ZMYND11: variants seen among roughly 807,000 people sequenced by gnomAD.
The protein encoded by ZMYND11 is zinc finger MYND-type containing 11, also known as zinc finger MYND domain-containing protein 11.
In ZMYND11, 9 loss-of-function variants were observed where a neutral mutation model predicts 84.9. The observed-to-expected ratio is 0.11, with a 90% CI of 0.06 to 0.18. The LOEUF (loss-of-function observed/expected upper bound fraction) is 0.18, where lower values mean the gene tolerates loss of function less well. Among genes scored for constraint, ZMYND11 ranks in the 10% least tolerant of loss-of-function variants. ZMYND11 has a pLI of 1.00. For synonymous variants in ZMYND11, 250 were observed against 244.1 expected (o/e 1.02, Z -0.23); for missense variants, 409 against 761.0 (o/e 0.54, Z 5.44).
chr10:204,829 A>G (rs1361722654), intron 2 of ZMYND11, among the ~76,000 whole-genome samples: 4 of 151,888 alleles, frequency 2.6e-5, no homozygotes, highest in East Asian at 3.8e-4. Flanking sequence ...TCTTCCTTCA[A>G]TTCCTAGAAT....
upstream of ZMYND11, among the ~76,000 whole-genome samples, chr10:133,249 G>A (rs1330525582): frequency 6.6e-6 from 1 of 152,192 alleles, no homozygotes; most frequent in African/African-American, 2.4e-5. Context: ...TTGTTTGAAT[G>A]TGTCATTACT....
At chr10:225,203 G>C (rs2131490442) in intron 4 of ZMYND11, among the ~76,000 whole-genome samples, 1 of 152,306 alleles carries the variant, frequency 6.6e-6, no homozygotes, top group South Asian at 2.1e-4. Flanking sequence ...AGGTTTAAAG[G>C]ATAGTGTACA....
Position 242,098 on chromosome 10 carries a change from C to G in ZMYND11, c.909C>G (p.Asp303Glu). ...FWPAKVMQKE[D>E]NQVDVRFFGH... Reference sequence around the variant, plus strand: ...CAGCCAAAGTCATGCAGAAAGAAGACAATCAAGTCGACGTTCGCTTCTTTG... The same window carrying G: ...CAGCCAAAGTCATGCAGAAAGAAGAGAATCAAGTCGACGTTCGCTTCTTTG... The change falls in exon 10 of 15, where the codon GAC (aspartate) becomes GAG (glutamate). Residue 303 changes from aspartate to glutamate, a missense_variant. Coordinates refer to ENST00000381604, the MANE Select transcript of ZMYND11 (RefSeq NM_001370100.5). 6.2e-7 allele frequency: 1 copy of G among 1,614,024 alleles called. No individual in the cohort carries two copies. Among genetic ancestry groups the G allele is most frequent in the Non-Finnish European group, 8.5e-7 (1 of 1,180,006 alleles).
At position 249,073 on chromosome 10, in the gene ZMYND11, C is replaced by T. The variant is rs1219176394; in HGVS notation, c.1671C>T (p.Thr557=). The T allele has an allele frequency of 6.2e-7, 1 of 1,614,008 alleles. No individual in the cohort carries two copies. Among genetic ancestry groups the T allele is most frequent in the African/African-American group, 1.3e-5 (1 of 74,906 alleles). The change falls in exon 14 of 15, where the codon ACC becomes ACT. Residue 557 remains threonine, a synonymous_variant. Coordinates refer to ENST00000381604, the MANE Select transcript of ZMYND11 (RefSeq NM_001370100.5). ...AGCACAAGCAACTGATTTCTCAGAC[C>T]AAGAAGAAGCAGTGGGTAAATACCA... ...ATQHKQLISQ[T]KKKQWCYNCE...
chr10:191,766 C>T (rs1218125421), intron 2 of ZMYND11, among the ~76,000 whole-genome samples: 1 of 152,122 alleles, frequency 6.6e-6, no homozygotes, highest in Non-Finnish European at 1.5e-5. Context: ...ATCAGATACT[C>T]ATTTTGATTT....
Position 166,389 on chromosome 10 carries a change from A to G in ZMYND11, c.-19-13605A>G, listed in dbSNP as rs186020227. ...TCTAGAATATATAAAGAACACCTAC[A>G]ACTCAACAGCAACAAAAAGACAACC... On this transcript the variant is annotated intron_variant, in intron 1 of 14. Coordinates refer to ENST00000381604, the MANE Select transcript of ZMYND11 (RefSeq NM_001370100.5). 3.5e-3 allele frequency among the ~76,000 whole-genome samples: 532 copies of G among 152,244 alleles called. 3 individuals carry two copies. The highest frequency in any genetic ancestry group is 0.012 in the African/African-American group (510 of 41,558).
chr10:163,919 T>G (rs1237346437), intron 1 of ZMYND11, among the ~76,000 whole-genome samples: 16 of 152,144 alleles, frequency 1.1e-4, no homozygotes, highest in African/African-American at 3.9e-4. Flanking sequence ...TGTCAGTGTC[T>G]AAAGAGTCTT....
Position 221,289 on chromosome 10 carries a change from C to A in ZMYND11, c.371C>A (p.Ser124Tyr). Residue 124 changes from serine to tyrosine, a missense_variant, in exon 4 of 15, where the codon TCC becomes TAC. By Grantham distance (144) the Ser-to-Tyr change is moderately radical. Around this residue, in one of 7 missense-constraint regions of ZMYND11, gnomAD observed 73 missense variants for 185.8 expected, o/e 0.39. Coordinates refer to ENST00000381604, the MANE Select transcript of ZMYND11 (RefSeq NM_001370100.5). ...GACCTGTGTTTTCGTGTGTATCATT[C>A]CAAGTGTTTGTCTGATGAGTTCAGG... is the stretch of plus-strand genomic sequence containing the variant. ...ICDLCFRVYH[S>Y]KCLSDEFRLR... is the part of the protein sequence containing the mutation. The A allele has an allele frequency of 6.2e-7, 1 of 1,613,932 alleles. No homozygotes were observed. The highest frequency in any genetic ancestry group is 1.1e-5 in the South Asian group (1 of 91,062).
chr10:249,509 C>A (rs1952894222), intron 14 of ZMYND11: 2 of 984,466 alleles, frequency 2.0e-6, no homozygotes, highest in African/African-American at 1.7e-5. Flanking sequence ...AACATTTATA[C>A]ATTAGATTTT....
intron 1 of ZMYND11, chr10:147,818 C>T (rs978849184): frequency 2.6e-5 from 4 of 152,002 alleles, no homozygotes; most frequent in Admixed American, 6.6e-5. Context: ...TCTTGAGATA[C>T]GTTATAGTCA....
intron 2 of ZMYND11, among the ~76,000 whole-genome samples, chr10:199,952 C>A (rs950721479): frequency 2.0e-5 from 3 of 151,710 alleles, no homozygotes; most frequent in Non-Finnish European, 4.4e-5. Context: ...GCAGCCTCTA[C>A]CTCCTGGGCT....
chr10:175,537 C>T (rs2131712225), intron 1 of ZMYND11, among the ~76,000 whole-genome samples: 1 of 152,070 alleles, frequency 6.6e-6, no homozygotes, highest in East Asian at 1.9e-4. Flanking sequence ...CCATTGCACT[C>T]CAGCCTGGGT....
intron 9 of ZMYND11, 31 bp downstream of exon 9, chr10:241,001 C>CATACAGCTCTAAGGAAGTTTATTT: frequency 6.6e-7 from 1 of 1,520,888 alleles, no homozygotes; most frequent in Non-Finnish European, 9.1e-7. Context: ...AAGTGTGTAA[C>CATACAGCTCTAAGGAAGTTTATTT]ATACAGCTCT....
chr10:180,156 T>G, intron 2 of ZMYND11, 28 bp downstream of exon 2: 12 of 1,572,516 alleles, frequency 7.6e-6, no homozygotes, highest in Non-Finnish European at 1.0e-5. Context: ...CAAATATCTC[T>G]GTAAAATGTC....
chr10:228,659 A>G (rs1368765663), intron 4 of ZMYND11, among the ~76,000 whole-genome samples: 1 of 152,202 alleles, frequency 6.6e-6, no homozygotes, highest in Non-Finnish European at 1.5e-5. Context: ...TTATTTTCTG[A>G]AAAGAATGGA....
chr10:187,360 C>T (rs978462547), intron 2 of ZMYND11, among the ~76,000 whole-genome samples: 34 of 152,184 alleles, frequency 2.2e-4, no homozygotes, highest in East Asian at 7.7e-4. Flanking sequence ...CATGGCTGGG[C>T]GCGGTGGCTC....
At chr10:173,485 G>A (rs1342773790) in intron 1 of ZMYND11, among the ~76,000 whole-genome samples, 3 of 152,140 alleles carry the variant, frequency 2.0e-5, no homozygotes, top group Non-Finnish European at 4.4e-5. Context: ...AAGGGCAAAG[G>A]TGGGAGGATC....
intron 1 of ZMYND11, among the ~76,000 whole-genome samples, chr10:159,822 A>T (rs1166276645): frequency 6.6e-6 from 1 of 151,882 alleles, no homozygotes; most frequent in Non-Finnish European, 1.5e-5. Flanking sequence ...ATCTACTCAT[A>T]TTTTCATCTA....
chr10:168,123 C>G (rs1286122818), intron 1 of ZMYND11, among the ~76,000 whole-genome samples: 1 of 151,980 alleles, frequency 6.6e-6, no homozygotes, highest in East Asian at 1.9e-4. Flanking sequence ...ATATGGGATG[C>G]TTTAAAAAAC....
Sources: allele counts gnomAD v4.1 joint callset (sites outside exome capture counted in the v4.1 genomes callset), GRCh38; gene constraint gnomAD v4.1.1; regional missense constraint gnomAD v4.1.1; transcripts MANE v1.5; gene names NCBI Gene and HGNC (gene_info 2026-07-23, HGNC 2026-07-21).